Variants in ADAMTS19 observed in about 807,000 individuals in gnomAD.
ADAMTS19 encodes the protein A disintegrin and metalloproteinase with thrombospondin motifs 19.
ADAMTS19 carries 93 observed loss-of-function variants against 153.3 expected under a neutral mutation model. That is an observed-to-expected ratio of 0.61 (90% CI 0.51 to 0.72). ADAMTS19 has a LOEUF of 0.72. Ranked by LOEUF, ADAMTS19 falls within the 30% of genes least tolerant of loss-of-function variation. ADAMTS19 has a pLI of 0.00. For missense variants in ADAMTS19, 1,482 were observed against 1,552.1 expected (o/e 0.95, Z 0.76); for synonymous variants, 600 against 556.6 (o/e 1.08, Z -1.10).
At chr5:129,538,691 C>A (rs145584519) in intron 6 of ADAMTS19, among the ~76,000 whole-genome samples, 2 of 152,214 alleles carry the variant, frequency 1.3e-5, no homozygotes, top group Middle Eastern at 3.4e-3. Flanking sequence ...AGAATGTTAT[C>A]TATGTTGTTG....
At chr5:129,712,185 T>C (rs1451119951) in intron 21 of ADAMTS19, among the ~76,000 whole-genome samples, 2 of 152,260 alleles carry the variant, frequency 1.3e-5, no homozygotes, top group East Asian at 3.9e-4. Flanking sequence ...CAAATAATCA[T>C]GTAAGACAGG....
At chr5:129,643,194 T>C (rs1439294564) in intron 11 of ADAMTS19, among the ~76,000 whole-genome samples, 1 of 151,500 alleles carries the variant, frequency 6.6e-6, no homozygotes, top group Admixed American at 6.6e-5. Context: ...CACAAGTATA[T>C]ATTTTCAAAC....
chr5:129,722,084 T>C (rs960263728), intron 21 of ADAMTS19, among the ~76,000 whole-genome samples: 4 of 152,226 alleles, frequency 2.6e-5, no homozygotes, highest in Non-Finnish European at 4.4e-5. Flanking sequence ...ATCTTTATAA[T>C]AGAATGATAT....
At chr5:129,623,995 C>T (rs980341074) in intron 10 of ADAMTS19, among the ~76,000 whole-genome samples, 8 of 151,098 alleles carry the variant, frequency 5.3e-5, no homozygotes, top group African/African-American at 1.2e-4. Flanking sequence ...GGCATGGTGG[C>T]GGGCACCTGT....
intron 7 of ADAMTS19, among the ~76,000 whole-genome samples, chr5:129,594,303 TG>T (rs1198126200): frequency 1.3e-5 from 2 of 152,196 alleles, no homozygotes; most frequent in African/African-American, 4.8e-5. Flanking sequence ...CTAGTCCATG[TG>T]ACAAACAGGT....
intron 14 of ADAMTS19, 62 bp downstream of exon 14, chr5:129,654,495 C>A (rs1039339641): frequency 2.6e-6 from 4 of 1,538,556 alleles, no homozygotes; most frequent in Non-Finnish European, 3.5e-6. Context: ...GACCACTGAG[C>A]AGCTTCACAG....
At chr5:129,462,293 C>G (rs1451259901) in intron 2 of ADAMTS19, among the ~76,000 whole-genome samples, 1 of 152,174 alleles carries the variant, frequency 6.6e-6, no homozygotes, top group Non-Finnish European at 1.5e-5. Context: ...TACTGGACAC[C>G]TGTTCACTGT....
intron 7 of ADAMTS19, among the ~76,000 whole-genome samples, chr5:129,562,155 C>G (rs1489607567): frequency 6.6e-6 from 1 of 152,198 alleles, no homozygotes; most frequent in African/African-American, 2.4e-5. Context: ...AAAAGCACAG[C>G]TGGCTCAGCT....
At chr5:129,687,784 T>C (rs1456545388) in intron 18 of ADAMTS19, among the ~76,000 whole-genome samples, 1 of 152,210 alleles carries the variant, frequency 6.6e-6, no homozygotes, top group African/African-American at 2.4e-5. Context: ...ATGTAGTTTA[T>C]TTCCACAAAA....
chr5:129,693,452 T>C (rs1184867358), intron 18 of ADAMTS19, among the ~76,000 whole-genome samples: 2 of 152,158 alleles, frequency 1.3e-5, no homozygotes, highest in African/African-American at 4.8e-5. Flanking sequence ...GGCCTTTCAA[T>C]AGTGAACCAG....
intron 7 of ADAMTS19, among the ~76,000 whole-genome samples, chr5:129,588,456 G>A (rs1451935777): frequency 6.6e-6 from 1 of 151,976 alleles, no homozygotes; most frequent in Non-Finnish European, 1.5e-5. Flanking sequence ...GAGAAAATTA[G>A]ATAAAACTTT....
In ADAMTS19 at chr5:129,529,536, TAAG is replaced by T. The variant is rs1752127082; in HGVS notation, c.1328+863_1328+865del. Among the ~76,000 whole-genome samples, 3 of 152,122 alleles carry T rather than the reference TAAG, an allele frequency of 2.0e-5. No individual in the cohort carries two copies. In the South Asian group the frequency reaches 6.2e-4, roughly 32 times the overall value. Reference sequence around the variant, plus strand: ...AACAAGCAATCATAACATTGGAAAATAAGAAGTCACTGCTTTTAGTCATTGGAG... The same window carrying T: ...AACAAGCAATCATAACATTGGAAAATAAGTCACTGCTTTTAGTCATTGGAG... On this transcript the variant is annotated intron_variant, in intron 6 of 22. Transcript: ENST00000274487.
At chr5:129,695,633 T>C (rs1414031784) in intron 19 of ADAMTS19, among the ~76,000 whole-genome samples, 1 of 152,208 alleles carries the variant, frequency 6.6e-6, no homozygotes, top group Non-Finnish European at 1.5e-5. Context: ...CCAATCTACC[T>C]GCTTTCACAT....
In ADAMTS19 at chr5:129,648,893, A is replaced by T; in HGVS notation, c.2099A>T (p.Asp700Val). 6.2e-7 allele frequency: 1 copy of T among 1,613,880 alleles called. No individual in the cohort carries two copies. The highest frequency in any genetic ancestry group is 8.5e-7 in the Non-Finnish European group (1 of 1,179,808). ...CCTGCAGGTTTGCCTGGATTCAGAG[A>T]CTGGCAATGTCAGGCTTATAGTGTT... ...PCPAGLPGFR[D>V]WQCQAYSVRT... Residue 700 changes from aspartate to valine, a missense_variant, in exon 13 of 23, where the codon GAC becomes GTC. This residue lies in a region of ADAMTS19 where 616 missense variants were observed against 724.4 expected (regional missense o/e 0.85). Transcript: ENST00000274487.
At chr5:129,703,751 T>A (rs1276185032) in intron 20 of ADAMTS19, among the ~76,000 whole-genome samples, 2 of 152,132 alleles carry the variant, frequency 1.3e-5, no homozygotes, top group Admixed American at 6.6e-5. Flanking sequence ...AAAATCTGAA[T>A]TTTATTTTTG....
rs1749631582 is a variant in ADAMTS19, at chr5:129,461,034, T to C, written c.92-68T>C. The C allele has an allele frequency of 3.1e-6, 4 of 1,282,484 alleles. No homozygotes were observed. Among genetic ancestry groups the C allele is most frequent in the South Asian group, 2.5e-5 (1 of 39,976 alleles). 79.4% of individuals were successfully genotyped at this position (1,282,484 alleles called of 1,614,324 possible). A position where few individuals can be genotyped will look rare whatever the true frequency, so the allele number is the denominator to read the frequency against. ...CGCCCTGTATCTATGGACTGTGAGC[T>C]TGGAAATGTTTGTGCTACTGGAACC... is the stretch of plus-strand genomic sequence containing the variant. On this transcript the variant is annotated intron_variant, in intron 1 of 22. Coordinates refer to ENST00000274487, the MANE Select transcript of ADAMTS19 (RefSeq NM_133638.6). This position sits in a 1 kb window ranked among gnomAD's most constrained non-coding sequence, Gnocchi z 4.6.
chr5:129,673,952 C>T (rs1480175357), intron 16 of ADAMTS19, among the ~76,000 whole-genome samples: 4 of 151,966 alleles, frequency 2.6e-5, no homozygotes, highest in South Asian at 2.1e-4. Context: ...GGCCATTGGC[C>T]GGGGACGGTA....
At chr5:129,622,730 C>A (rs151182631) in intron 10 of ADAMTS19, among the ~76,000 whole-genome samples, 17 of 152,216 alleles carry the variant, frequency 1.1e-4, no homozygotes, top group African/African-American at 3.9e-4. Context: ...CTCCCAGCTG[C>A]TAAAGTCCCT....
At chr5:129,649,330 A>C (rs1753210949) in intron 13 of ADAMTS19, among the ~76,000 whole-genome samples, 1 of 152,182 alleles carries the variant, frequency 6.6e-6, no homozygotes, top group South Asian at 2.1e-4. Context: ...ACATACACTA[A>C]CAATACAGAA....
Sources: allele counts gnomAD v4.1 joint callset (sites outside exome capture counted in the v4.1 genomes callset), GRCh38; gene constraint gnomAD v4.1.1; regional missense constraint gnomAD v4.1.1; non-coding constraint Gnocchi (gnomAD v3.1); transcripts MANE v1.5; gene names NCBI Gene and HGNC (gene_info 2026-07-23, HGNC 2026-07-21).